Variants in IGF1R observed in about 807,000 individuals in gnomAD.
The protein encoded by IGF1R is insulin-like growth factor 1 receptor.
Under a neutral mutation model 144.6 loss-of-function variants are expected in IGF1R, and 44 were observed. The observed-to-expected ratio is 0.30, with a 90% CI of 0.24 to 0.39. The LOEUF is 0.39. IGF1R is among the 10% of genes least tolerant of loss of function. IGF1R has a pLI of 1.00. For missense variants in IGF1R, 1,355 were observed against 1,833.7 expected, an observed-to-expected ratio of 0.74 and a Z score of 4.77; for synonymous variants, 795 against 722.8, an observed-to-expected ratio of 1.10 and a Z score of -1.60.
At chr15:98,847,332 T>C (rs2011370262) in intron 2 of IGF1R, among the ~76,000 whole-genome samples, 1 of 152,144 alleles carries the variant, frequency 6.6e-6, no homozygotes, top group Non-Finnish European at 1.5e-5. Flanking sequence ...GAAAGCTCCG[T>C]AGATGCCGTG....
intron 1 of IGF1R, among the ~76,000 whole-genome samples, chr15:98,696,358 T>G (rs998668036): frequency 3.3e-5 from 5 of 152,222 alleles, no homozygotes; most frequent in African/African-American, 1.2e-4. Flanking sequence ...GGCCTCCCAC[T>G]AGAGACCTTC....
At chr15:98,782,546 ATAAT>A (rs1206326642) in intron 2 of IGF1R, among the ~76,000 whole-genome samples, 2 of 152,144 alleles carry the variant, frequency 1.3e-5, no homozygotes, top group African/African-American at 2.4e-5. Flanking sequence ...TTTCAGCTTA[ATAAT>A]TTACCTTGCT....
chr15:98,789,522 G>A (rs2056083214), intron 2 of IGF1R, among the ~76,000 whole-genome samples: 1 of 152,194 alleles, frequency 6.6e-6, no homozygotes, highest in African/African-American at 2.4e-5. Flanking sequence ...TCGCCTTAGA[G>A]GAGGTGGTCA....
intron 1 of IGF1R, among the ~76,000 whole-genome samples, chr15:98,674,476 C>T (rs1005215492): frequency 3.9e-5 from 6 of 152,174 alleles, no homozygotes. Context: ...ATGAGGTCTA[C>T]AGAGCGCGTT....
chr15:98,707,950 G>A lies in IGF1R; in HGVS notation c.483G>A (p.Leu161=), dbSNP rs45504194. ...CCACTGTGGACTGGTCCCTGATCCTGGATGCGGTGTCCAATAACTACATTG... is the reference window on the plus strand; with the variant it reads ...CCACTGTGGACTGGTCCCTGATCCTAGATGCGGTGTCCAATAACTACATTG... ...YLSTVDWSLI[L]DAVSNNYIVG... Residue 161 remains leucine, a synonymous_variant, in exon 2 of 21, where the codon CTG becomes CTA. Transcript: ENST00000650285. The surrounding 1 kb of genome is among the most constrained non-coding windows in gnomAD (Gnocchi z 6.7). 5.0e-6 allele frequency: 8 copies of A among 1,614,052 alleles called. No homozygotes were observed. In the East Asian group the frequency reaches 1.8e-4, roughly 36 times the overall value.
rs374900390 is a variant in IGF1R at position 98,817,722 on chromosome 15, A to G, written c.641-73603A>G. 2.0e-4 allele frequency among the ~76,000 whole-genome samples: 31 copies of G among 152,302 alleles called. No individual in the cohort carries two copies. In the East Asian group the frequency reaches 5.6e-3, roughly 27 times the overall value. On this transcript the variant is annotated intron_variant, in intron 2 of 20. Transcript: ENST00000650285. ...GTAGCCTGGGTGGCTTAAACAATAG[A>G]CATTGCAGCATTCCCTCTCCCTCTC... is the stretch of plus-strand genomic sequence containing the variant.
chr15:98,703,340 C>T lies in IGF1R; in HGVS notation c.95-4222C>T, dbSNP rs139461075. ...GTGCTGTGTTTACTGTTTACTCCCT[C>T]GGTGCATGAATTATTTCATGGCACC... On this transcript the variant is annotated intron_variant, in intron 1 of 20. Coordinates refer to ENST00000650285, the MANE Select transcript of IGF1R (RefSeq NM_000875.5). 6.2e-3 allele frequency among the ~76,000 whole-genome samples: 940 copies of T among 152,326 alleles called. 8 individuals carry two copies. Among genetic ancestry groups the T allele is most frequent in the Middle Eastern group, 0.037 (11 of 294 alleles).
chr15:98,797,903 C>T (rs1028637492), intron 2 of IGF1R, among the ~76,000 whole-genome samples: 2 of 152,174 alleles, frequency 1.3e-5, no homozygotes, highest in Admixed American at 1.3e-4. Flanking sequence ...GTGATGGAGA[C>T]TTTTAAGTTG....
At chr15:98,665,230 C>T (rs547576883) in intron 1 of IGF1R, among the ~76,000 whole-genome samples, 2 of 152,120 alleles carry the variant, frequency 1.3e-5, no homozygotes, top group South Asian at 2.1e-4. Flanking sequence ...GGATTAAAGG[C>T]GTGAGCCACC....
At chr15:98,860,676 C>G (rs1390369682) in intron 2 of IGF1R, among the ~76,000 whole-genome samples, 1 of 152,202 alleles carries the variant, frequency 6.6e-6, no homozygotes, top group Admixed American at 6.5e-5. Context: ...AGTTTGCCCT[C>G]TGCTGAAGGT....
chr15:98,800,873 C>T (rs1303554944), intron 2 of IGF1R, among the ~76,000 whole-genome samples: 3 of 152,214 alleles, frequency 2.0e-5, no homozygotes, highest in South Asian at 4.1e-4. Context: ...TTGGGTAATA[C>T]ATTTCATTCA....
intron 2 of IGF1R, among the ~76,000 whole-genome samples, chr15:98,716,365 A>G (rs2054116933): frequency 2.6e-5 from 4 of 152,158 alleles, no homozygotes; most frequent in African/African-American, 9.7e-5. Flanking sequence ...CAGGCAAGGT[A>G]TGCAGCATTT....
intron 2 of IGF1R, among the ~76,000 whole-genome samples, chr15:98,840,846 A>G (rs1401902347): frequency 6.6e-6 from 1 of 151,970 alleles, no homozygotes; most frequent in African/African-American, 2.4e-5. Context: ...ACGCCTGGCT[A>G]ACTTTTGTAT....
At chr15:98,899,371 A>G (rs1238855131) in intron 4 of IGF1R, 106 bp from the exon 5 acceptor site, 6 of 1,151,722 alleles carry the variant, frequency 5.2e-6, no homozygotes, top group African/African-American at 1.5e-5. Flanking sequence ...GGAGCATCTC[A>G]GGGGGCACCT....
At chr15:98,907,826 C>A (rs1310225129) in intron 5 of IGF1R, among the ~76,000 whole-genome samples, 1 of 152,226 alleles carries the variant, frequency 6.6e-6, no homozygotes, top group Non-Finnish European at 1.5e-5. Context: ...GTTTGGTGGG[C>A]TTTGGTCCTC....
At chr15:98,727,787 G>T (rs982080227) in intron 2 of IGF1R, among the ~76,000 whole-genome samples, 1 of 152,192 alleles carries the variant, frequency 6.6e-6, no homozygotes, top group Non-Finnish European at 1.5e-5. Context: ...CTTAGTCACT[G>T]TGTGGCGGCG....
chr15:98,878,686 AAAAAAAAAACAAC>A (rs1176901475), intron 2 of IGF1R, among the ~76,000 whole-genome samples: 68 of 142,932 alleles, frequency 4.8e-4, no homozygotes, highest in African/African-American at 1.7e-3. Context: ...AAAAAAAAAA[AAAAAAAAAACAAC>A]AACAAAAAAA....
chr15:98,704,891 G>A lies in IGF1R; in HGVS notation c.95-2671G>A, dbSNP rs2053825168. ...AGCCCTGAGGTCTGTTGCTGGACTA[G>A]ATATGTGAGGTGTGAGAGGAGAGAA... On this transcript the variant is annotated intron_variant, in intron 1 of 20. Transcript: ENST00000650285. The surrounding 1 kb of genome is among the most constrained non-coding windows in gnomAD (Gnocchi z 4.9). 6.6e-6 allele frequency among the ~76,000 whole-genome samples: 1 copy of A among 152,182 alleles called. No individual in the cohort carries two copies. Among genetic ancestry groups the A allele is most frequent in the African/African-American group, 2.4e-5 (1 of 41,444 alleles).
chr15:98,953,921 T>C (rs2016876481), intron 20 of IGF1R, among the ~76,000 whole-genome samples: 1 of 152,154 alleles, frequency 6.6e-6, no homozygotes, highest in Non-Finnish European at 1.5e-5. Flanking sequence ...GTAAGCTCAC[T>C]GAGGCACACA....
Sources: allele counts gnomAD v4.1 joint callset (sites outside exome capture counted in the v4.1 genomes callset), GRCh38; gene constraint gnomAD v4.1.1; non-coding constraint Gnocchi (gnomAD v3.1); transcripts MANE v1.5; gene names NCBI Gene and HGNC (gene_info 2026-07-23, HGNC 2026-07-21).